The following CAMTA1 variants were observed in gnomAD, a reference collection of about 807,000 sequenced individuals.
CAMTA1 encodes the protein calmodulin-binding transcription activator 1.
In CAMTA1, 27 loss-of-function variants were observed where a neutral mutation model predicts 170.9. The ratio of observed to expected loss-of-function variants is 0.16; its 90% CI spans 0.12 to 0.22. CAMTA1 has a LOEUF of 0.22. CAMTA1 is among the 10% of genes least tolerant of loss of function. The pLI is 1.00. For synonymous variants in CAMTA1, 833 were observed against 891.5 expected, an observed-to-expected ratio of 0.93 and a Z score of 1.17; for missense variants, 1,619 against 2,217.2, an observed-to-expected ratio of 0.73 and a Z score of 5.42.
chr1:7,459,652 A>G (rs2093037419), intron 5 of CAMTA1, among the ~76,000 whole-genome samples: 1 of 152,204 alleles, frequency 6.6e-6, no homozygotes, highest in African/African-American at 2.4e-5. Flanking sequence ...TCCAGGCTGC[A>G]GGCCCCTGCT....
chr1:7,073,805 G>A (rs964309124), intron 3 of CAMTA1, among the ~76,000 whole-genome samples: 3 of 152,150 alleles, frequency 2.0e-5, no homozygotes, highest in African/African-American at 7.2e-5. Context: ...TGGAAGGAGA[G>A]AACTTGGAGG....
intron 4 of CAMTA1, among the ~76,000 whole-genome samples, chr1:7,097,891 G>A (rs140092858): frequency 1.3e-4 from 20 of 152,340 alleles, no homozygotes; most frequent in African/African-American, 4.6e-4. Flanking sequence ...TGGGTACAGC[G>A]TTTCAGCTGG....
chr1:7,664,441 C>T lies in CAMTA1; in HGVS notation c.1894C>T (p.His632Tyr), dbSNP rs749970495. 6.8e-6 allele frequency: 11 copies of T among 1,613,536 alleles called. No homozygotes were observed. Among genetic ancestry groups the T allele is most frequent in the Non-Finnish European group, 9.3e-6 (11 of 1,180,016 alleles). Reference protein sequence around the residue: ...SKPLPVEQNTHSSLSDSGGTF... With the variant: ...SKPLPVEQNTYSSLSDSGGTF... ...ACCCCTCCCCGTCGAGCAGAACACC[C>T]ACAGCAGCCTGAGTGACTCTGGGGG... The change falls in exon 9 of 23, where the codon CAC (histidine) becomes TAC (tyrosine). Residue 632 changes from histidine to tyrosine, a missense_variant. His to Tyr is a moderately conservative substitution (Grantham distance 83). This residue lies in a region of CAMTA1 where 731 missense variants were observed against 907.6 expected (regional missense o/e 0.81). Transcript: ENST00000303635.
At chr1:6,841,838 G>A (rs1017648098) in intron 3 of CAMTA1, among the ~76,000 whole-genome samples, 1 of 152,196 alleles carries the variant, frequency 6.6e-6, no homozygotes, top group African/African-American at 2.4e-5. Flanking sequence ...ACAGCAGAAG[G>A]TACTGATGAC....
chr1:7,419,536 G>A (rs1433799605), intron 5 of CAMTA1, among the ~76,000 whole-genome samples: 1 of 152,060 alleles, frequency 6.6e-6, no homozygotes, highest in Non-Finnish European at 1.5e-5. Context: ...ACAATCCCTA[G>A]GTGAGCTCAC....
At position 7,749,548 on chromosome 1, in the gene CAMTA1, A is replaced by T. The variant is rs144779997; in HGVS notation, c.4690-1651A>T. On this transcript the variant is annotated intron_variant, in intron 19 of 22. Transcript: ENST00000303635. The stretch of plus-strand genomic sequence containing the variant: ...TATGAGTTTGGTTTTTTAAAAAAAA[A>T]AACCCTCCCCAGAAACTGTCATCTA... Among the ~76,000 whole-genome samples the T allele has an allele frequency of 2.4e-3, 360 of 152,120 alleles. 1 individual carries two copies. The highest frequency in any genetic ancestry group is 8.2e-3 in the African/African-American group (342 of 41,532).
intron 4 of CAMTA1, among the ~76,000 whole-genome samples, chr1:7,215,938 G>T (rs1659673926): frequency 6.6e-6 from 1 of 152,124 alleles, no homozygotes. Context: ...GGTAATTCAA[G>T]GAAAAAGTAT....
intron 4 of CAMTA1, among the ~76,000 whole-genome samples, chr1:7,236,480 C>T (rs1480577320): frequency 6.6e-6 from 1 of 152,172 alleles, no homozygotes; most frequent in African/African-American, 2.4e-5. Flanking sequence ...GGAGGGGTAG[C>T]TGGGGCGTGC....
intron 5 of CAMTA1, among the ~76,000 whole-genome samples, chr1:7,360,999 GA>G (rs2085499270): frequency 6.6e-6 from 1 of 152,024 alleles, no homozygotes; most frequent in African/African-American, 2.4e-5. Context: ...CTTGTCCCTG[GA>G]AAACGGGGCT....
At position 7,499,314 on chromosome 1, in the gene CAMTA1, G is replaced by C. The variant is rs201284781; in HGVS notation, c.510+31413G>C. 8.9e-4 allele frequency among the ~76,000 whole-genome samples: 121 copies of C among 136,292 alleles called. 3 individuals carry two copies. The highest frequency in any genetic ancestry group is 3.0e-3 in the African/African-American group (106 of 35,176). 89.4% of individuals were successfully genotyped at this position (136,292 alleles called of 152,430 possible). A position where few individuals can be genotyped will look rare whatever the true frequency, so the allele number is the denominator to read the frequency against. Reference sequence around the variant, plus strand: ...TGTGCGTGTGTATGTATATGAGTGTGTGTGCATGTGTGTACATGTGTGTAG... The same window carrying C: ...TGTGCGTGTGTATGTATATGAGTGTCTGTGCATGTGTGTACATGTGTGTAG... On this transcript the variant is annotated intron_variant, in intron 6 of 22. Transcript: ENST00000303635.
chr1:7,336,942 A>G (rs1048055673), intron 5 of CAMTA1, among the ~76,000 whole-genome samples: 1 of 152,218 alleles, frequency 6.6e-6, no homozygotes, highest in Non-Finnish European at 1.5e-5. Context: ...CCTCTGGATC[A>G]TAGCTCCTAG....
intron 4 of CAMTA1, among the ~76,000 whole-genome samples, chr1:7,247,135 G>A (rs1234231327): frequency 1.3e-5 from 2 of 152,178 alleles, no homozygotes; most frequent in African/African-American, 4.8e-5. Context: ...ACACTATTAG[G>A]TTGCTCATTA....
chr1:6,842,704 C>G (rs1656354412), intron 3 of CAMTA1, among the ~76,000 whole-genome samples: 1 of 152,068 alleles, frequency 6.6e-6, no homozygotes, highest in South Asian at 2.1e-4. Context: ...GGTGGATCAC[C>G]TGAGGTCAGG....
chr1:7,023,516 G>C (rs938418986), intron 3 of CAMTA1, among the ~76,000 whole-genome samples: 2 of 152,192 alleles, frequency 1.3e-5, no homozygotes, highest in Non-Finnish European at 2.9e-5. Flanking sequence ...AAGGCTGTTA[G>C]ATAGATCAGA....
intron 5 of CAMTA1, among the ~76,000 whole-genome samples, chr1:7,290,575 C>A (rs188552089): frequency 1.6e-4 from 24 of 152,098 alleles, no homozygotes; most frequent in Admixed American, 1.6e-3. Context: ...TTGCAACCAC[C>A]CCCCCCATGC....
chr1:7,375,650 G>A (rs2086790153), intron 5 of CAMTA1, among the ~76,000 whole-genome samples: 1 of 152,216 alleles, frequency 6.6e-6, no homozygotes, highest in African/African-American at 2.4e-5. Context: ...GTGCAGGCTG[G>A]CACCACTGAT....
intron 5 of CAMTA1, among the ~76,000 whole-genome samples, chr1:7,353,432 T>TG (rs1347534989): frequency 9.3e-4 from 2 of 2,156 alleles, no homozygotes; most frequent in South Asian, 0.013. Context: ...TCTTTCTCTC[T>TG]TTTTTTTTTT....
chr1:7,228,640 T>C (rs1662136064), intron 4 of CAMTA1, among the ~76,000 whole-genome samples: 1 of 152,090 alleles, frequency 6.6e-6, no homozygotes, highest in Non-Finnish European at 1.5e-5. Flanking sequence ...CAAACTGTAA[T>C]GAAGCAAGAG....
intron 3 of CAMTA1, among the ~76,000 whole-genome samples, chr1:7,057,845 A>G (rs76773146): frequency 0.016 from 2,498 of 152,298 alleles, 74 homozygotes; most frequent in African/African-American, 0.057. Context: ...CTGAGCTGGG[A>G]TGGTCCACCA....
Sources: gnomAD v4.1 joint callset for allele counts (sites outside exome capture counted in the v4.1 genomes callset) on GRCh38, gnomAD v4.1.1 for gene constraint, gnomAD v4.1.1 regional missense constraint, MANE v1.5 for transcripts, NCBI Gene and HGNC (gene_info 2026-07-23, HGNC 2026-07-21) for gene names.